The following CTNNA2 variants were observed in gnomAD, a reference collection of about 807,000 sequenced individuals.
CTNNA2 encodes the protein catenin alpha 2, also known as catenin alpha-2.
A neutral mutation model predicts 101.0 loss-of-function variants in CTNNA2; 42 were observed. The observed-to-expected ratio is 0.42, with a 90% CI of 0.32 to 0.54. The LOEUF (loss-of-function observed/expected upper bound fraction) is 0.54, where lower values mean the gene tolerates loss of function less well. CTNNA2 is among the 20% of genes least tolerant of loss of function. The pLI is 0.14. For missense variants in CTNNA2, 871 were observed against 1,223.1 expected (o/e 0.71, Z 4.29); for synonymous variants, 450 against 456.4 (o/e 0.99, Z 0.18).
At position 80,553,231 on chromosome 2, in the gene CTNNA2, AAAAT is replaced by A. The variant is rs1326467406; in HGVS notation, c.1541-2458_1541-2455del. Reference sequence around the variant, plus strand: ...AGAGGGAGACTCCGTCTCAAAAAAAAAAATAAAATAAAATAAAATAAAATTAGTC... The same window carrying A: ...AGAGGGAGACTCCGTCTCAAAAAAAAAAAATAAAATAAAATAAAATTAGTC... On this transcript the variant is annotated intron_variant, in intron 11 of 18. Coordinates refer to ENST00000402739, the MANE Select transcript of CTNNA2 (RefSeq NM_001282597.3). 2.1e-3 allele frequency among the ~76,000 whole-genome samples: 257 copies of A among 122,442 alleles called. 2 individuals carry two copies. Among genetic ancestry groups the A allele is most frequent in the Middle Eastern group, 3.9e-3 (1 of 254 alleles). 80.3% of individuals were successfully genotyped at this position (122,442 alleles called of 152,430 possible). A position where few individuals can be genotyped will look rare whatever the true frequency, so the allele number is the denominator to read the frequency against.
At chr2:79,665,043 C>T (rs1311179135) in intron 2 of CTNNA2, among the ~76,000 whole-genome samples, 2 of 152,072 alleles carry the variant, frequency 1.3e-5, no homozygotes, top group Non-Finnish European at 2.9e-5. Context: ...CCTCATTTGT[C>T]TTTCTTTTTG....
intron 9 of CTNNA2, among the ~76,000 whole-genome samples, chr2:80,534,958 C>T (rs1318547914): frequency 6.6e-6 from 1 of 152,148 alleles, no homozygotes; most frequent in East Asian, 1.9e-4. Flanking sequence ...GAGGCAACAA[C>T]ATTAGGGAAT....
chr2:80,120,185 G>A (rs1275364902), intron 7 of CTNNA2, among the ~76,000 whole-genome samples: 1 of 152,154 alleles, frequency 6.6e-6, no homozygotes, highest in Non-Finnish European at 1.5e-5. Context: ...TAAATTGACT[G>A]ATGACAGTCA....
In CTNNA2 at chr2:80,402,874, A is replaced by C. The variant is rs187033471; in HGVS notation, c.1137+9583A>C. Among the ~76,000 whole-genome samples the C allele has an allele frequency of 7.7e-4, 116 of 151,002 alleles. 1 individual carries two copies. Among genetic ancestry groups the C allele is most frequent in the African/African-American group, 2.1e-3 (88 of 41,334 alleles). On this transcript the variant is annotated intron_variant, in intron 8 of 18. Coordinates refer to ENST00000402739, the MANE Select transcript of CTNNA2 (RefSeq NM_001282597.3). ...CTCCTCTCTTCTGGGCATAGGTTAG[A>C]AGTGAATGGTCTGATTGTTCACTGC...
At chr2:79,199,564 T>C (rs908315667) in intron 2 of CTNNA2, among the ~76,000 whole-genome samples, 9 of 152,190 alleles carry the variant, frequency 5.9e-5, no homozygotes, top group Non-Finnish European at 8.8e-5. Context: ...GTGTAGTTAC[T>C]AGAATTCAGC....
intron 4 of CTNNA2, among the ~76,000 whole-genome samples, chr2:79,390,394 C>G (rs563003157): frequency 6.7e-4 from 102 of 152,284 alleles, no homozygotes; most frequent in African/African-American, 2.3e-3. Flanking sequence ...CGGGATTTCT[C>G]TTTTTCAGAT....
chr2:79,740,949 T>C (rs17017756), intron 2 of CTNNA2, among the ~76,000 whole-genome samples: 34,292 of 151,892 alleles, frequency 0.23, 4,076 homozygotes, highest in African/African-American at 0.3. Flanking sequence ...AATATAGGCA[T>C]AGCTCAAGAA....
intron 1 of CTNNA2, among the ~76,000 whole-genome samples, chr2:79,631,712 C>A (rs1305610572): frequency 1.3e-5 from 2 of 152,190 alleles, no homozygotes; most frequent in African/African-American, 4.8e-5. Flanking sequence ...ACCATGTGTA[C>A]TTTCTAAAGC....
At chr2:79,802,600 T>G (rs1676250972) in intron 3 of CTNNA2, among the ~76,000 whole-genome samples, 1 of 152,066 alleles carries the variant, frequency 6.6e-6, no homozygotes, top group Non-Finnish European at 1.5e-5. Context: ...CTAAAGAAAA[T>G]GGTAATGAAG....
intron 2 of CTNNA2, among the ~76,000 whole-genome samples, chr2:79,242,486 C>T (rs1300764933): frequency 6.6e-6 from 1 of 152,124 alleles, no homozygotes; most frequent in Non-Finnish European, 1.5e-5. Context: ...TGTAACTCCA[C>T]ATACTCTCTG....
intron 12 of CTNNA2, among the ~76,000 whole-genome samples, chr2:80,571,629 T>C (rs1286990090): frequency 6.6e-6 from 1 of 152,202 alleles, no homozygotes; most frequent in Non-Finnish European, 1.5e-5. Flanking sequence ...ACAAACGATG[T>C]TTCTTTTCCT....
rs7588686 is a variant in CTNNA2, at chr2:79,675,716, A to G, written c.102+24058A>G. On this transcript the variant is annotated intron_variant, in intron 2 of 18. Transcript: ENST00000402739. ...GGAGACTTGGATGTCTGTCTGTTTC[A>G]TTGTGTGATCTTTAGGGCCTAGAAC... Among the ~76,000 whole-genome samples the G allele has an allele frequency of 9.2e-3, 1,407 of 152,264 alleles. 22 individuals are homozygous for G. Among genetic ancestry groups the G allele is most frequent in the African/African-American group, 0.032 (1,316 of 41,548 alleles).
chr2:80,324,315 C>G (rs1272465396), intron 7 of CTNNA2, among the ~76,000 whole-genome samples: 2 of 152,128 alleles, frequency 1.3e-5, no homozygotes, highest in Admixed American at 6.5e-5. Flanking sequence ...GGCACTTTCA[C>G]GACTCTCAGA....
At chr2:79,256,983 A>G (rs1230618475) in intron 2 of CTNNA2, among the ~76,000 whole-genome samples, 1 of 152,200 alleles carries the variant, frequency 6.6e-6, no homozygotes, top group Non-Finnish European at 1.5e-5. Context: ...ACAAAAAGAT[A>G]AACGTATTTA....
At chr2:79,285,992 C>G (rs1451984515) in intron 2 of CTNNA2, among the ~76,000 whole-genome samples, 1 of 149,764 alleles carries the variant, frequency 6.7e-6, no homozygotes, top group East Asian at 1.9e-4. Flanking sequence ...TGAATTCATC[C>G]CTTTACCATT....
intron 2 of CTNNA2, among the ~76,000 whole-genome samples, chr2:79,660,317 A>C (rs1681942702): frequency 6.6e-6 from 1 of 150,432 alleles, no homozygotes; most frequent in South Asian, 2.1e-4. Context: ...ATGTGTATAT[A>C]CATATGTATG....
At position 80,075,635 on chromosome 2, in the gene CTNNA2, T is replaced by TGTATAAATATAAATATTTATACAA. The variant is rs1558783533; in HGVS notation, c.1056+165848_1056+165849insAAATATTTATACAAGTATAAATAT. 1.1e-4 allele frequency among the ~76,000 whole-genome samples: 11 copies of TGTATAAATATAAATATTTATACAA among 102,374 alleles called. 1 individual carries two copies. The highest frequency in any genetic ancestry group is 3.2e-4 in the African/African-American group (8 of 25,264). 67.2% of individuals were successfully genotyped at this position (102,374 alleles called of 152,430 possible). On this transcript the variant is annotated intron_variant, in intron 7 of 18. Transcript: ENST00000402739. ...ATGTATAAATATAAATATTTATACA[T>TGTATAAATATAAATATTTATACAA]GTATAAATATTATAAAAATAATATT...
chr2:79,698,327 C>A (rs1221223339), intron 2 of CTNNA2, among the ~76,000 whole-genome samples: 1 of 151,864 alleles, frequency 6.6e-6, no homozygotes, highest in Non-Finnish European at 1.5e-5. Flanking sequence ...TATATTTAGA[C>A]AGTAAATTGG....
At chr2:80,441,809 G>C (rs1009560954) in intron 9 of CTNNA2, among the ~76,000 whole-genome samples, 10 of 152,210 alleles carry the variant, frequency 6.6e-5, no homozygotes, top group African/African-American at 2.2e-4. Context: ...AAATAGGAGA[G>C]GTCATGATGT....
Sources: allele counts gnomAD v4.1 joint callset (sites outside exome capture counted in the v4.1 genomes callset), GRCh38; gene constraint gnomAD v4.1.1; transcripts MANE v1.5; gene names NCBI Gene and HGNC (gene_info 2026-07-23, HGNC 2026-07-21).